The following RRN3 variants were observed in gnomAD, a reference collection of about 807,000 sequenced individuals.
The protein encoded by RRN3 is RNA polymerase I-specific transcription initiation factor RRN3.
Under a neutral mutation model 82.3 loss-of-function variants are expected in RRN3, and 38 were observed. The observed-to-expected ratio is 0.46, with a 90% CI of 0.36 to 0.61. RRN3 has a LOEUF of 0.61. RRN3 is among the 20% of genes least tolerant of loss of function. RRN3 has a pLI of 0.00. For missense variants in RRN3, 726 were observed against 793.1 expected, an observed-to-expected ratio of 0.92 and a Z score of 1.02; for synonymous variants, 284 against 284.3, an observed-to-expected ratio of 1.00 and a Z score of 0.01.
intron 3 of RRN3, among the ~76,000 whole-genome samples, chr16:15,089,872 C>T (rs1476120075): frequency 3.4e-5 from 5 of 148,312 alleles, no homozygotes; most frequent in Non-Finnish European, 7.4e-5. Flanking sequence ...AAGTGGGTGG[C>T]CAACAGTGTC....
intron 9 of RRN3, among the ~76,000 whole-genome samples, chr16:15,079,356 G>A (rs145059986): frequency 4.1e-4 from 63 of 152,244 alleles, no homozygotes; most frequent in African/African-American, 1.5e-3. Context: ...CTTAAGAAAG[G>A]CCAAACAGGA....
intron 8 of RRN3, among the ~76,000 whole-genome samples, chr16:15,080,957 A>G (rs1295878543): frequency 6.6e-6 from 1 of 152,212 alleles, no homozygotes; most frequent in African/African-American, 2.4e-5. Flanking sequence ...TTTAGGGTTC[A>G]ATCATGTTGT....
At chr16:15,093,581 A>C (rs2046227850) in intron 1 of RRN3, among the ~76,000 whole-genome samples, 1 of 152,316 alleles carries the variant, frequency 6.6e-6, no homozygotes, top group African/African-American at 2.4e-5. Flanking sequence ...ATATTACGCT[A>C]ATTGTTTTAC....
At position 15,091,441 on chromosome 16, in the gene RRN3, A is replaced by G; in HGVS notation, c.196-70T>C. ...TTTAGTATCAACAGCAAGACTTTTA[A>G]CCGTACTTTAACATCAGATGAAATT... On this transcript the variant is annotated intron_variant, in intron 2 of 17. Transcript: ENST00000198767. 1.1e-5 allele frequency: 11 copies of G among 1,012,860 alleles called. No individual in the cohort carries two copies. The South Asian group carries it at 1.2e-4, about 11-fold the overall frequency. The allele number at this position is 1,012,860 out of a possible 1,614,324, so 62.7% of individuals were successfully genotyped here.
Position 15,072,809 on chromosome 16 carries a change from C to T in RRN3, c.1128+141G>A, listed in dbSNP as rs1280809028. On this transcript the variant is annotated intron_variant, in intron 12 of 17. Transcript: ENST00000198767. The stretch of plus-strand genomic sequence containing the variant: ...GAAAACAAAAAAAGAAAGGAGAATG[C>T]GATTTTATTAAGCAGACTAGCAAGT... The T allele has an allele frequency of 1.3e-4, 105 of 826,592 alleles. 1 individual carries two copies. The Middle Eastern group carries it at 1.5e-3, about 12-fold the overall frequency. The allele number at this position is 826,592 out of a possible 1,614,324, so 51.2% of individuals were successfully genotyped here.
intron 8 of RRN3, among the ~76,000 whole-genome samples, 190 bp downstream of exon 8, chr16:15,083,323 C>G (rs528376294): frequency 1.3e-5 from 2 of 152,138 alleles, no homozygotes; most frequent in African/African-American, 4.8e-5. Context: ...CGCTTGAACC[C>G]GAGAGGCAGA....
At chr16:15,078,037 T>C (rs1439366433) in intron 9 of RRN3, among the ~76,000 whole-genome samples, 1 of 152,232 alleles carries the variant, frequency 6.6e-6, no homozygotes, top group African/African-American at 2.4e-5. Context: ...TATTTTGGTA[T>C]ATCACCATTC....
intron 16 of RRN3, among the ~76,000 whole-genome samples, chr16:15,064,380 G>C (rs2044863896): frequency 6.6e-6 from 1 of 152,054 alleles, no homozygotes; most frequent in African/African-American, 2.4e-5. Flanking sequence ...TCACCATCTT[G>C]GCTAGGCTGG....
chr16:15,084,755 C>A (rs373009083), intron 6 of RRN3, 50 bp from the exon 7 acceptor site: 82 of 1,126,542 alleles, frequency 7.3e-5, no homozygotes, highest in Middle Eastern at 2.0e-4. Flanking sequence ...AACTGAAGGG[C>A]GACACGCTTG....
chr16:15,065,880 C>T (rs1279571737), intron 15 of RRN3, among the ~76,000 whole-genome samples: 1 of 152,194 alleles, frequency 6.6e-6, no homozygotes, highest in Admixed American at 6.5e-5. Context: ...ACGGGGTTGA[C>T]TAAGTCATGA....
At chr16:15,072,773 A>G (rs2045291138) in intron 12 of RRN3, among the ~76,000 whole-genome samples, 177 bp downstream of exon 12, 1 of 152,226 alleles carries the variant, frequency 6.6e-6, no homozygotes, top group Admixed American at 6.5e-5. Flanking sequence ...GTCTCAAAAA[A>G]GAAAGGAAAA....
chr16:15,075,069 G>A (rs2045394312), intron 10 of RRN3, among the ~76,000 whole-genome samples: 1 of 151,972 alleles, frequency 6.6e-6, no homozygotes, highest in Admixed American at 6.6e-5. Flanking sequence ...GGCCAACATG[G>A]TAAAACTCTG....
chr16:15,085,525 C>A, intron 6 of RRN3, 114 bp downstream of exon 6: 2 of 1,467,504 alleles, frequency 1.4e-6, no homozygotes, highest in South Asian at 2.4e-5. Context: ...ACTATGTTGC[C>A]CAGGCTGGTC....
intron 3 of RRN3, among the ~76,000 whole-genome samples, chr16:15,089,583 G>A (rs908026040): frequency 1.4e-5 from 2 of 147,874 alleles, no homozygotes; most frequent in East Asian, 2.1e-4. Context: ...GGCGGATCAC[G>A]AGGTCAGAAG....
chr16:15,065,143 G>A, intron 16 of RRN3, 76 bp downstream of exon 16: 1 of 1,461,162 alleles, frequency 6.8e-7, no homozygotes, highest in African/African-American at 1.4e-5. Flanking sequence ...TCCAGCCTGG[G>A]CGACAGAGTG....
In RRN3 at chr16:15,060,341, C is replaced by A; in HGVS notation, c.*1403G>T. The A allele has an allele frequency of 4.7e-6, 1 of 212,948 alleles. No individual in the cohort carries two copies. The allele number at this position is 212,948 out of a possible 1,614,324, so 13.2% of individuals were successfully genotyped here. Reference sequence around the variant, plus strand: ...CCCGGAAAAGAAAACCACCCATATCCAAAACTTTAAAGCAATAAAAATTTC... The same window carrying A: ...CCCGGAAAAGAAAACCACCCATATCAAAAACTTTAAAGCAATAAAAATTTC... On this transcript the variant is annotated 3_prime_UTR_variant, in exon 18 of 18. Coordinates refer to ENST00000198767, the MANE Select transcript of RRN3 (RefSeq NM_018427.5).
In RRN3 at chr16:15,061,830, G is replaced by C. The variant is rs778944403; in HGVS notation, c.1870C>G (p.Pro624Ala). The part of the protein sequence containing the change: ...PQNDTVIGIT[P>A]SSFDTHFRSP... ...CGGAAATGCGTGTCAAAGGAGCTTG[G>C]TGTGATCCCAATCACGGTATCATTC... The change falls in exon 18 of 18, where the codon CCA (proline) becomes GCA (alanine). Residue 624 changes from proline to alanine, a missense_variant. Pro to Ala is a conservative substitution (Grantham distance 27). Coordinates refer to ENST00000198767, the MANE Select transcript of RRN3 (RefSeq NM_018427.5). 6.8e-6 allele frequency: 11 copies of C among 1,614,000 alleles called. No homozygotes were observed. Among genetic ancestry groups the C allele is most frequent in the Non-Finnish European group, 9.3e-6 (11 of 1,179,942 alleles).
rs373659750 is a variant in RRN3 at position 15,061,705 on chromosome 16, G to C, written c.*39C>G. The C allele has an allele frequency of 6.3e-7, 1 of 1,583,888 alleles. No homozygotes were observed. Among genetic ancestry groups the C allele is most frequent in the African/African-American group, 1.3e-5 (1 of 74,502 alleles). On this transcript the variant is annotated 3_prime_UTR_variant, in exon 18 of 18. Coordinates refer to ENST00000198767, the MANE Select transcript of RRN3 (RefSeq NM_018427.5). Reference sequence around the variant, plus strand: ...TGCTGAGGGCATGACAAGTGATGGGGAATCCCAAATGTCACATCTCAGTCA... The same window carrying C: ...TGCTGAGGGCATGACAAGTGATGGGCAATCCCAAATGTCACATCTCAGTCA...
At chr16:15,061,976 C>G in intron 17 of RRN3, 71 bp from the exon 18 acceptor site, 9 of 1,413,170 alleles carry the variant, frequency 6.4e-6, no homozygotes, top group African/African-American at 1.4e-5. Context: ...ATTCCTTCCT[C>G]AGGAAGGTGT....
Sources: gnomAD v4.1 joint callset for allele counts (sites outside exome capture counted in the v4.1 genomes callset) on GRCh38, gnomAD v4.1.1 for gene constraint, MANE v1.5 for transcripts, NCBI Gene and HGNC (gene_info 2026-07-23, HGNC 2026-07-21) for gene names.